Variants in NAALADL2 observed in about 807,000 individuals in gnomAD.
The protein encoded by NAALADL2 is N-acetylated alpha-linked acidic dipeptidase like 2, also known as inactive N-acetylated-alpha-linked acidic dipeptidase-like protein 2.
Under a neutral mutation model 87.2 loss-of-function variants are expected in NAALADL2, and 76 were observed. That is an observed-to-expected ratio of 0.87 (90% confidence interval 0.72 to 1.05). The LOEUF is 1.05. Among genes scored for constraint, NAALADL2 ranks in the 50% least tolerant of loss-of-function variants. The probability of loss-of-function intolerance (pLI) is 0.00; values close to 1 mark genes in which losing one functional copy is unlikely to be tolerated. For synonymous variants in NAALADL2, 354 were observed against 331.0 expected, an observed-to-expected ratio of 1.07 and a Z score of -0.75; for missense variants, 1,089 against 945.8, an observed-to-expected ratio of 1.15 and a Z score of -1.99.
Position 174,826,198 on chromosome 3 carries a change from A to G in NAALADL2, c.-9+88452A>G, listed in dbSNP as rs144630436. On this transcript the variant is annotated intron_variant, in intron 3 of 3. Coordinates refer to the NAALADL2 transcript ENST00000434257. ...TGAGTACTTACTTATTTGATTGTTTACTTTGTTCTAATCTGTCTTTCCAAC... is the reference window on the plus strand; with the variant it reads ...TGAGTACTTACTTATTTGATTGTTTGCTTTGTTCTAATCTGTCTTTCCAAC... Among the ~76,000 whole-genome samples the G allele has an allele frequency of 1.8e-4, 28 of 152,294 alleles. No individual in the cohort carries two copies. The East Asian group carries it at 4.4e-3, about 24-fold the overall frequency.
chr3:174,805,041 A>C (rs1363881944), intron 3 of NAALADL2, among the ~76,000 whole-genome samples: 1 of 152,040 alleles, frequency 6.6e-6, no homozygotes, highest in Non-Finnish European at 1.5e-5. Context: ...TTCTTGTCAT[A>C]GATTATTTGC....
At chr3:175,542,215 TTAA>T (rs2149471502) in intron 9 of NAALADL2, among the ~76,000 whole-genome samples, 1 of 152,328 alleles carries the variant, frequency 6.6e-6, no homozygotes, top group East Asian at 1.9e-4. Flanking sequence ...ACTTTTATTA[TTAA>T]TATTTTAATG....
intron 1 of NAALADL2, among the ~76,000 whole-genome samples, chr3:174,533,339 C>T (rs916831283): frequency 6.6e-6 from 1 of 151,950 alleles, no homozygotes; most frequent in African/African-American, 2.4e-5. Flanking sequence ...GAATTTTGAG[C>T]ATTATTCCTA....
At chr3:175,018,878 T>C (rs1238706106) in intron 1 of NAALADL2, among the ~76,000 whole-genome samples, 1 of 152,044 alleles carries the variant, frequency 6.6e-6, no homozygotes, top group Non-Finnish European at 1.5e-5. Context: ...AAAAACAGCA[T>C]AAAGGCTGAC....
chr3:174,791,833 A>G (rs1267110137), intron 3 of NAALADL2, among the ~76,000 whole-genome samples: 1 of 152,150 alleles, frequency 6.6e-6, no homozygotes, highest in African/African-American at 2.4e-5. Context: ...GACAAAAATC[A>G]TTATTCTATT....
intron 1 of NAALADL2, among the ~76,000 whole-genome samples, chr3:174,534,033 A>G (rs1721489450): frequency 6.6e-6 from 1 of 152,178 alleles, no homozygotes; most frequent in Non-Finnish European, 1.5e-5. Flanking sequence ...ACATATTTAT[A>G]TATGTGGGAG....
chr3:175,449,356 G>T (rs1356447117), intron 6 of NAALADL2, among the ~76,000 whole-genome samples: 1 of 151,102 alleles, frequency 6.6e-6, no homozygotes, highest in East Asian at 2.0e-4. Context: ...GGGATTATAG[G>T]CATGAGCCAT....
intron 5 of NAALADL2, among the ~76,000 whole-genome samples, chr3:175,391,516 TG>T (rs1346754920): frequency 9.9e-5 from 15 of 152,160 alleles, no homozygotes; most frequent in Admixed American, 8.5e-4. Flanking sequence ...AAACACCCAG[TG>T]GGGGAAGTAA....
Position 175,116,795 on chromosome 3 carries a change from C to T in NAALADL2, c.545+19504C>T, listed in dbSNP as rs191654092. On this transcript the variant is annotated intron_variant, in intron 2 of 13. Coordinates refer to ENST00000454872, the MANE Select transcript of NAALADL2 (RefSeq NM_207015.3). ...CCATATGGAACCAAAAAAGAGCCTG[C>T]GTTGCCAAGACAACCCTAAGCCAAA... Among the ~76,000 whole-genome samples, 18 of 152,092 alleles carry T rather than the reference C, an allele frequency of 1.2e-4. No individual in the cohort carries two copies. The East Asian group carries it at 1.5e-3, about 13-fold the overall frequency.
intron 4 of NAALADL2, among the ~76,000 whole-genome samples, chr3:175,272,778 C>T (rs1753037581): frequency 6.6e-6 from 1 of 151,994 alleles, no homozygotes; most frequent in Non-Finnish European, 1.5e-5. Flanking sequence ...CTACAAAAAC[C>T]TGAAGCTGTA....
chr3:174,547,784 T>C (rs1408068135), intron 1 of NAALADL2, among the ~76,000 whole-genome samples: 4 of 152,168 alleles, frequency 2.6e-5, no homozygotes, highest in African/African-American at 9.6e-5. Flanking sequence ...GTTATAGCTC[T>C]TTAAACTTCA....
chr3:175,228,652 A>T (rs1052633673), intron 2 of NAALADL2, among the ~76,000 whole-genome samples: 3 of 151,990 alleles, frequency 2.0e-5, no homozygotes, highest in Non-Finnish European at 4.4e-5. Context: ...AAAATCATTA[A>T]ATCAGCAGTT....
intron 1 of NAALADL2, among the ~76,000 whole-genome samples, chr3:174,911,510 T>TCACCA (rs1560354345): frequency 1.3e-5 from 2 of 151,832 alleles, no homozygotes; most frequent in African/African-American, 4.8e-5. Context: ...CTGGTAAGAG[T>TCACCA]GCCCCAGTGC....
intron 5 of NAALADL2, among the ~76,000 whole-genome samples, chr3:175,379,921 A>G (rs955769864): frequency 3.3e-5 from 5 of 152,122 alleles, no homozygotes; most frequent in Admixed American, 2.0e-4. Flanking sequence ...TAAAATACTG[A>G]CATCATTCTC....
chr3:175,099,354 C>T (rs1466197496), intron 2 of NAALADL2, among the ~76,000 whole-genome samples: 1 of 152,176 alleles, frequency 6.6e-6, no homozygotes, highest in East Asian at 1.9e-4. Context: ...AGCAATTACA[C>T]TCCCAGCTAG....
chr3:174,915,497 G>A (rs905897750), intron 1 of NAALADL2, among the ~76,000 whole-genome samples: 1 of 152,116 alleles, frequency 6.6e-6, no homozygotes, highest in Non-Finnish European at 1.5e-5. Flanking sequence ...CAGGTTTTGA[G>A]CCCATGTTCT....
At chr3:174,733,626 G>A (rs780835677) in intron 2 of NAALADL2, among the ~76,000 whole-genome samples, 3 of 152,278 alleles carry the variant, frequency 2.0e-5, no homozygotes, top group South Asian at 2.1e-4. Flanking sequence ...TTCTGTTACC[G>A]AAACACCAGG....
chr3:175,468,110 A>G (rs189497928), intron 8 of NAALADL2, among the ~76,000 whole-genome samples: 198 of 152,256 alleles, frequency 1.3e-3, no homozygotes, highest in African/African-American at 4.5e-3. Flanking sequence ...AAAAGATAAA[A>G]TATCTATTAA....
chr3:175,210,013 A>T (rs1741528992), intron 2 of NAALADL2, among the ~76,000 whole-genome samples: 1 of 151,898 alleles, frequency 6.6e-6, no homozygotes, highest in Non-Finnish European at 1.5e-5. Context: ...TGAATGTATT[A>T]ATATTATACA....
Sources: gnomAD v4.1 joint callset for allele counts (sites outside exome capture counted in the v4.1 genomes callset) on GRCh38, gnomAD v4.1.1 for gene constraint, MANE v1.5 for transcripts, NCBI Gene and HGNC (gene_info 2026-07-23, HGNC 2026-07-21) for gene names.